Variants in NRG3 observed in about 807,000 individuals in gnomAD.
NRG3 encodes the protein pro-neuregulin-3, membrane-bound isoform.
Under a neutral mutation model 66.9 loss-of-function variants are expected in NRG3, and 31 were observed. The observed-to-expected ratio is 0.46, with a 90% CI of 0.35 to 0.63. NRG3 has a LOEUF of 0.63. Among genes scored for constraint, NRG3 ranks in the 20% least tolerant of loss-of-function variants. The probability of loss-of-function intolerance (pLI) is 0.00; values close to 1 mark genes in which losing one functional copy is unlikely to be tolerated. For synonymous variants in NRG3, 393 were observed against 359.4 expected (o/e 1.09, Z -1.06); for missense variants, 910 against 878.9 (o/e 1.04, Z -0.45).
At chr10:81,929,271 T>A (rs1327752633) in intron 1 of NRG3, among the ~76,000 whole-genome samples, 1 of 152,192 alleles carries the variant, frequency 6.6e-6, no homozygotes, top group East Asian at 1.9e-4. Flanking sequence ...CTTCTCCTCC[T>A]CAATGTTTCT....
At chr10:82,763,188 A>G (rs1327589963) in intron 3 of NRG3, among the ~76,000 whole-genome samples, 1 of 152,204 alleles carries the variant, frequency 6.6e-6, no homozygotes, top group African/African-American at 2.4e-5. Context: ...AAATTCAAAT[A>G]TGCCATGACA....
At chr10:82,664,745 C>T (rs996323772) in intron 2 of NRG3, among the ~76,000 whole-genome samples, 1 of 152,024 alleles carries the variant, frequency 6.6e-6, no homozygotes, top group African/African-American at 2.4e-5. Flanking sequence ...GCAATAGTCT[C>T]TGGGGTCGCT....
intron 1 of NRG3, among the ~76,000 whole-genome samples, chr10:82,357,460 T>G (rs1589836193): frequency 6.6e-6 from 1 of 152,334 alleles, no homozygotes; most frequent in South Asian, 2.1e-4. Context: ...CGAAGCTAGG[T>G]AATTTATAAA....
intron 2 of NRG3, among the ~76,000 whole-genome samples, chr10:82,688,762 T>G (rs754090983): frequency 5.6e-5 from 8 of 144,074 alleles, no homozygotes; most frequent in Non-Finnish European, 7.7e-5. Context: ...TCCATAGGTC[T>G]TTTTTAGAAA....
intron 2 of NRG3, among the ~76,000 whole-genome samples, chr10:82,735,008 A>G (rs2058085480): frequency 6.6e-6 from 1 of 150,730 alleles, no homozygotes; most frequent in South Asian, 2.1e-4. Flanking sequence ...CTCTGCCTCA[A>G]AAAAAAAAAG....
At chr10:82,017,656 T>C (rs955369612) in intron 1 of NRG3, among the ~76,000 whole-genome samples, 13 of 152,306 alleles carry the variant, frequency 8.5e-5, no homozygotes, top group South Asian at 2.1e-4. Flanking sequence ...TGGTATCTCA[T>C]TGTGGTTTTG....
intron 2 of NRG3, among the ~76,000 whole-genome samples, chr10:82,591,820 A>C (rs1387801981): frequency 6.6e-6 from 1 of 152,174 alleles, no homozygotes; most frequent in Non-Finnish European, 1.5e-5. Context: ...TTTAAGCAAA[A>C]AGGTTTTCTT....
chr10:81,922,836 G>A (rs115950240), intron 1 of NRG3, among the ~76,000 whole-genome samples: 2,349 of 152,220 alleles, frequency 0.015, 53 homozygotes, highest in South Asian at 0.045. Flanking sequence ...CAGATTTATA[G>A]AATGTCTAGG....
Position 82,472,268 on chromosome 10 carries a change from C to A in NRG3, c.953+113400C>A, listed in dbSNP as rs561658686. Reference sequence around the variant, plus strand: ...AAATAGGTTTTGTATGGATGTGTGCCTATTCCATGTAGAAGCAGACATAGC... The same window carrying A: ...AAATAGGTTTTGTATGGATGTGTGCATATTCCATGTAGAAGCAGACATAGC... On this transcript the variant is annotated intron_variant, in intron 2 of 8. Coordinates refer to ENST00000372141, the MANE Select transcript of NRG3 (RefSeq NM_001010848.4). Among the ~76,000 whole-genome samples the A allele has an allele frequency of 1.3e-4, 20 of 152,266 alleles. No homozygotes were observed. In the South Asian group the frequency reaches 4.1e-3, roughly 32 times the overall value.
chr10:82,808,198 TAAA>T (rs34300474), intron 3 of NRG3, among the ~76,000 whole-genome samples: 1 of 146,956 alleles, frequency 6.8e-6, no homozygotes, highest in Non-Finnish European at 1.5e-5. Flanking sequence ...ACACACGTAG[TAAA>T]AAAAAAAAAG....
intron 1 of NRG3, among the ~76,000 whole-genome samples, chr10:81,927,813 G>A (rs553447805): frequency 5.9e-5 from 9 of 152,234 alleles, no homozygotes; most frequent in South Asian, 2.1e-4. Context: ...GCCAGGATGC[G>A]AAGAGGGGTC....
At chr10:81,954,084 T>A (rs1589582068) in intron 1 of NRG3, among the ~76,000 whole-genome samples, 1 of 152,066 alleles carries the variant, frequency 6.6e-6, no homozygotes, top group Non-Finnish European at 1.5e-5. Flanking sequence ...TATACAAGAG[T>A]TGGGGTATTT....
intron 1 of NRG3, among the ~76,000 whole-genome samples, chr10:81,905,479 A>C (rs1227328944): frequency 6.6e-6 from 1 of 152,192 alleles, no homozygotes; most frequent in Non-Finnish European, 1.5e-5. Context: ...AGACCATAGA[A>C]TCAGAGAGGA....
intron 2 of NRG3, among the ~76,000 whole-genome samples, chr10:82,599,955 A>C (rs1486251617): frequency 6.6e-6 from 1 of 152,240 alleles, no homozygotes; most frequent in Admixed American, 6.5e-5. Flanking sequence ...AAAATATCTC[A>C]GAGCTGTCCA....
At chr10:82,831,382 G>T (rs2062513180) in intron 3 of NRG3, among the ~76,000 whole-genome samples, 1 of 152,138 alleles carries the variant, frequency 6.6e-6, no homozygotes, top group South Asian at 2.1e-4. Context: ...AAACTGATGT[G>T]AACTGACTAT....
intron 3 of NRG3, among the ~76,000 whole-genome samples, chr10:82,794,825 C>A (rs2060730504): frequency 6.6e-6 from 1 of 152,202 alleles, no homozygotes; most frequent in Non-Finnish European, 1.5e-5. Flanking sequence ...CTCTAACTCT[C>A]TTCCTCCATC....
chr10:82,669,248 G>A (rs369811805), intron 2 of NRG3, among the ~76,000 whole-genome samples: 1 of 143,028 alleles, frequency 7.0e-6, no homozygotes, highest in Non-Finnish European at 1.5e-5. Flanking sequence ...ATTTATGATG[G>A]TAATAATAAT....
chr10:82,971,767 G>T (rs1454924127), intron 6 of NRG3, among the ~76,000 whole-genome samples: 1 of 152,066 alleles, frequency 6.6e-6, no homozygotes, highest in Non-Finnish European at 1.5e-5. Flanking sequence ...AAGCTTTGTT[G>T]TTAGGTAGAT....
intron 1 of NRG3, among the ~76,000 whole-genome samples, chr10:82,122,929 C>G (rs955250113): frequency 6.6e-6 from 1 of 151,958 alleles, no homozygotes; most frequent in Non-Finnish European, 1.5e-5. Context: ...TCCTCAATCC[C>G]CAAATCTGCT....
Sources: allele counts gnomAD v4.1 joint callset (sites outside exome capture counted in the v4.1 genomes callset), GRCh38; gene constraint gnomAD v4.1.1; transcripts MANE v1.5; gene names NCBI Gene and HGNC (gene_info 2026-07-23, HGNC 2026-07-21).